KLHL29: variants seen among roughly 807,000 people sequenced by gnomAD.
The protein encoded by KLHL29 is kelch like family member 29.
In KLHL29, 21 loss-of-function variants were observed where a neutral mutation model predicts 80.4. The ratio of observed to expected loss-of-function variants is 0.26; its 90% CI spans 0.19 to 0.38. The LOEUF (loss-of-function observed/expected upper bound fraction) is 0.38, where lower values mean the gene tolerates loss of function less well. Ranked by LOEUF, KLHL29 falls within the 10% of genes least tolerant of loss-of-function variation. The pLI is 1.00. For missense variants in KLHL29, 867 were observed against 1,223.9 expected (o/e 0.71, Z 4.35); for synonymous variants, 511 against 526.8 (o/e 0.97, Z 0.41).
intron 3 of KLHL29, among the ~76,000 whole-genome samples, chr2:23,607,811 T>A (rs959964300): frequency 1.3e-5 from 2 of 152,048 alleles, no homozygotes; most frequent in South Asian, 4.2e-4. Context: ...CCCAGAACCA[T>A]CTCCCCACAC....
intron 5 of KLHL29, among the ~76,000 whole-genome samples, chr2:23,648,115 C>T (rs906461262): frequency 5.3e-5 from 8 of 152,032 alleles, no homozygotes; most frequent in South Asian, 2.1e-4. Flanking sequence ...CGTCACCCCC[C>T]GACACCTGAC....
intron 2 of KLHL29, among the ~76,000 whole-genome samples, chr2:23,550,534 G>A (rs575099906): frequency 4.0e-4 from 61 of 152,338 alleles, no homozygotes; most frequent in African/African-American, 1.4e-3. Flanking sequence ...TTCCGCAGCC[G>A]TCAACCCAGA....
At chr2:23,478,973 G>A (rs775754329) in intron 2 of KLHL29, among the ~76,000 whole-genome samples, 13 of 151,220 alleles carry the variant, frequency 8.6e-5, no homozygotes, top group African/African-American at 1.9e-4. Context: ...TCCCCTGCCC[G>A]CTGCCTGCCT....
chr2:23,699,114 C>T (rs952097270), intron 11 of KLHL29, among the ~76,000 whole-genome samples: 2 of 152,230 alleles, frequency 1.3e-5, no homozygotes, highest in African/African-American at 2.4e-5. Flanking sequence ...ATTCCAGCCT[C>T]GTCTCAAATC....
At chr2:23,668,422 C>G (rs1014609255) in intron 5 of KLHL29, 3 of 152,224 alleles carry the variant, frequency 2.0e-5, no homozygotes, top group Non-Finnish European at 4.4e-5. Context: ...TGACTGCCCC[C>G]ACCCCAGCAC....
At chr2:23,637,100 A>G (rs1379891695) in intron 3 of KLHL29, among the ~76,000 whole-genome samples, 1 of 152,150 alleles carries the variant, frequency 6.6e-6, no homozygotes, top group Non-Finnish European at 1.5e-5. Flanking sequence ...TGTACTGTCC[A>G]GGAAGGGAGT....
chr2:23,664,606 C>T (rs1005550711), intron 5 of KLHL29, among the ~76,000 whole-genome samples: 2 of 152,190 alleles, frequency 1.3e-5, no homozygotes, highest in African/African-American at 4.8e-5. Flanking sequence ...GTTTGTTTGC[C>T]ATCAGTTTGA....
chr2:23,684,376 T>C lies in KLHL29; in HGVS notation c.941-23T>C. On this transcript the variant is annotated intron_variant, in intron 5 of 13. Transcript: ENST00000486442. The surrounding 1 kb of genome is among the most constrained non-coding windows in gnomAD (Gnocchi z 4.4). Reference sequence around the variant, plus strand: ...AAAACTCTTAATGGGAACCTGGCCCTGTCTGTCTTCTCTGTTCTGCAGAAA... The same window carrying C: ...AAAACTCTTAATGGGAACCTGGCCCCGTCTGTCTTCTCTGTTCTGCAGAAA... 7.1e-7 allele frequency: 1 copy of C among 1,408,980 alleles called. No individual in the cohort carries two copies. The highest frequency in any genetic ancestry group is 9.3e-7 in the Non-Finnish European group (1 of 1,074,534). The allele number at this position is 1,408,980 out of a possible 1,614,324, so 87.3% of individuals were successfully genotyped here.
intron 1 of KLHL29, among the ~76,000 whole-genome samples, chr2:23,422,623 TG>T (rs1254958620): frequency 6.6e-6 from 1 of 151,878 alleles, no homozygotes; most frequent in Non-Finnish European, 1.5e-5. Context: ...TGTGTGTCCC[TG>T]TCTGTGTCTG....
chr2:23,571,732 C>T (rs1667721302), intron 3 of KLHL29, among the ~76,000 whole-genome samples: 1 of 152,210 alleles, frequency 6.6e-6, no homozygotes, highest in African/African-American at 2.4e-5. Context: ...CTACTACAAG[C>T]CTGAGGATGA....
At chr2:23,444,675 T>G (rs1160584638) in intron 1 of KLHL29, among the ~76,000 whole-genome samples, 2 of 152,202 alleles carry the variant, frequency 1.3e-5, no homozygotes, top group Non-Finnish European at 2.9e-5. Context: ...CCTGTTTGTG[T>G]ATAATACATA....
chr2:23,395,964 AAAAACCCAAAACCTG>A (rs1458137408), intron 1 of KLHL29, among the ~76,000 whole-genome samples: 1 of 152,190 alleles, frequency 6.6e-6, no homozygotes, highest in Non-Finnish European at 1.5e-5. Context: ...TGATGTAAAC[AAAAACCCAAAACCTG>A]ATTCTTCACC....
chr2:23,586,186 A>G (rs1668113161), intron 3 of KLHL29, among the ~76,000 whole-genome samples: 1 of 152,088 alleles, frequency 6.6e-6, no homozygotes, highest in Non-Finnish European at 1.5e-5. Context: ...GTGGTAAGCG[A>G]TACATAAAAT....
chr2:23,648,714 T>C (rs1353816934), intron 5 of KLHL29, among the ~76,000 whole-genome samples: 1 of 152,180 alleles, frequency 6.6e-6, no homozygotes, highest in African/African-American at 2.4e-5. Context: ...GCCACGTCAA[T>C]AGATGGGACC....
intron 1 of KLHL29, among the ~76,000 whole-genome samples, chr2:23,430,174 G>A (rs567690843): frequency 7.9e-5 from 12 of 152,218 alleles, no homozygotes; most frequent in African/African-American, 2.6e-4. Flanking sequence ...CTATTCCTGG[G>A]CCTCACTTCC....
intron 2 of KLHL29, among the ~76,000 whole-genome samples, chr2:23,481,286 C>T (rs140465243): frequency 7.1e-4 from 108 of 152,302 alleles, no homozygotes; most frequent in African/African-American, 2.5e-3. Context: ...TTTCTAAATA[C>T]GGTTTCATGT....
At chr2:23,560,394 CT>C (rs1667419795) in intron 2 of KLHL29, among the ~76,000 whole-genome samples, 1 of 150,588 alleles carries the variant, frequency 6.6e-6, no homozygotes, top group East Asian at 2.0e-4. Flanking sequence ...CCTCAGCCTC[CT>C]GAGTAGCTGG....
intron 3 of KLHL29, among the ~76,000 whole-genome samples, chr2:23,565,776 G>C (rs1667575734): frequency 6.6e-6 from 1 of 152,206 alleles, no homozygotes; most frequent in African/African-American, 2.4e-5. Context: ...GGGCTTCCTG[G>C]GTGAAGGGTC....
At chr2:23,664,344 G>C (rs943331384) in intron 5 of KLHL29, among the ~76,000 whole-genome samples, 24 of 152,202 alleles carry the variant, frequency 1.6e-4, no homozygotes, top group African/African-American at 5.8e-4. Context: ...CTCAGTGCCA[G>C]GATTTTAGGT....
Sources: gnomAD v4.1 joint callset for allele counts (sites outside exome capture counted in the v4.1 genomes callset) on GRCh38, gnomAD v4.1.1 for gene constraint, Gnocchi (gnomAD v3.1) non-coding constraint, MANE v1.5 for transcripts, NCBI Gene and HGNC (gene_info 2026-07-23, HGNC 2026-07-21) for gene names.